UBE2E2: variants seen among roughly 807,000 people sequenced by gnomAD.
The protein encoded by UBE2E2 is ubiquitin-conjugating enzyme E2 E2.
Under a neutral mutation model 24.7 loss-of-function variants are expected in UBE2E2, and 6 were observed. That is an observed-to-expected ratio of 0.24 (90% CI 0.13 to 0.48). The LOEUF is 0.48. UBE2E2 is among the 20% of genes least tolerant of loss of function. The pLI, the probability that UBE2E2 is intolerant of heterozygous loss-of-function variation, is 0.99. For missense variants in UBE2E2, 169 were observed against 245.0 expected (o/e 0.69, Z 2.07); for synonymous variants, 104 against 83.6 (o/e 1.24, Z -1.33).
intron 5 of UBE2E2, among the ~76,000 whole-genome samples, chr3:23,587,087 G>C (rs1229873361): frequency 6.6e-6 from 1 of 152,010 alleles, no homozygotes; most frequent in East Asian, 1.9e-4. Flanking sequence ...TAGTTAGTGT[G>C]TATAATTTTA....
chr3:23,296,532 C>T (rs369678783), intron 3 of UBE2E2, among the ~76,000 whole-genome samples: 2 of 152,122 alleles, frequency 1.3e-5, no homozygotes, highest in Non-Finnish European at 2.9e-5. Context: ...TTGTTCAATT[C>T]CCACCTATAA....
intron 3 of UBE2E2, among the ~76,000 whole-genome samples, chr3:23,245,189 T>C (rs1697364037): frequency 6.6e-6 from 1 of 151,982 alleles, no homozygotes; most frequent in South Asian, 2.1e-4. Context: ...AATGGGAGGG[T>C]CATAGGAAAA....
At chr3:23,319,955 C>A (rs577339558) in intron 3 of UBE2E2, among the ~76,000 whole-genome samples, 1 of 152,158 alleles carries the variant, frequency 6.6e-6, no homozygotes, top group Admixed American at 6.6e-5. Flanking sequence ...TCCCTAAGAT[C>A]TGGCTAGCAT....
chr3:23,488,856 T>C (rs1052567847), intron 3 of UBE2E2, among the ~76,000 whole-genome samples: 9 of 152,216 alleles, frequency 5.9e-5, no homozygotes, highest in Non-Finnish European at 8.8e-5. Flanking sequence ...CCAAGTGTTC[T>C]TACAGTACAG....
At chr3:23,355,802 A>G (rs1298743799) in intron 3 of UBE2E2, among the ~76,000 whole-genome samples, 2 of 152,232 alleles carry the variant, frequency 1.3e-5, no homozygotes, top group Non-Finnish European at 2.9e-5. Flanking sequence ...TTAAAGGAGA[A>G]GAACTATGCT....
At chr3:23,409,223 A>T (rs1697441940) in intron 3 of UBE2E2, among the ~76,000 whole-genome samples, 1 of 152,190 alleles carries the variant, frequency 6.6e-6, no homozygotes, top group Non-Finnish European at 1.5e-5. Flanking sequence ...AAAATTCAAC[A>T]CAACATCACT....
chr3:23,306,137 T>C (rs1401592605), intron 3 of UBE2E2, among the ~76,000 whole-genome samples: 3 of 152,212 alleles, frequency 2.0e-5, no homozygotes, highest in Non-Finnish European at 4.4e-5. Flanking sequence ...CACTGAAATA[T>C]TTAAAAGAAA....
intron 5 of UBE2E2, among the ~76,000 whole-genome samples, chr3:23,558,666 G>A (rs976647690): frequency 4.3e-4 from 66 of 152,114 alleles, no homozygotes; most frequent in African/African-American, 1.4e-3. Flanking sequence ...TTTGAATATG[G>A]CATTGTTTCC....
At chr3:23,402,015 C>G (rs990231387) in intron 3 of UBE2E2, among the ~76,000 whole-genome samples, 1 of 151,946 alleles carries the variant, frequency 6.6e-6, no homozygotes, top group African/African-American at 2.4e-5. Context: ...CACTACCACG[C>G]CCGGCTAATT....
chr3:23,365,325 CTA>C (rs1696224986), intron 3 of UBE2E2, among the ~76,000 whole-genome samples: 1 of 152,174 alleles, frequency 6.6e-6, no homozygotes, highest in Non-Finnish European at 1.5e-5. Flanking sequence ...GGAAGTCAAA[CTA>C]TTTCTGTTTG....
At chr3:23,287,540 C>T (rs1343373079) in intron 3 of UBE2E2, among the ~76,000 whole-genome samples, 2 of 151,940 alleles carry the variant, frequency 1.3e-5, no homozygotes, top group African/African-American at 4.8e-5. Context: ...GCCTTGAAGC[C>T]ATCAGGTTCT....
chr3:23,236,100 A>T (rs1338987290), intron 3 of UBE2E2, among the ~76,000 whole-genome samples: 1 of 152,116 alleles, frequency 6.6e-6, no homozygotes, highest in Non-Finnish European at 1.5e-5. Context: ...AGTCCTAAGG[A>T]GTTTGCCATC....
intron 5 of UBE2E2, among the ~76,000 whole-genome samples, chr3:23,571,415 G>A (rs984149170): frequency 6.0e-5 from 9 of 149,490 alleles, no homozygotes; most frequent in African/African-American, 2.2e-4. Context: ...TCAGCCTCCC[G>A]AGTAGCCGGG....
chr3:23,502,051 A>C (rs1205235600), intron 4 of UBE2E2, among the ~76,000 whole-genome samples: 1 of 152,200 alleles, frequency 6.6e-6, no homozygotes, highest in Non-Finnish European at 1.5e-5. Flanking sequence ...TAGATGTGTT[A>C]CTCGAGGGAG....
intron 3 of UBE2E2, among the ~76,000 whole-genome samples, chr3:23,295,414 A>T (rs897123980): frequency 3.3e-5 from 5 of 152,176 alleles, no homozygotes; most frequent in Admixed American, 2.0e-4. Context: ...TCCTCTAAAG[A>T]GGGCTGCAAG....
chr3:23,574,006 G>A (rs1047152453), intron 5 of UBE2E2, among the ~76,000 whole-genome samples: 3 of 151,994 alleles, frequency 2.0e-5, no homozygotes, highest in South Asian at 2.1e-4. Flanking sequence ...AAAAAAAAAT[G>A]TGGTACATAT....
intron 3 of UBE2E2, among the ~76,000 whole-genome samples, chr3:23,219,085 GGA>G (rs1696556771): frequency 2.0e-5 from 3 of 152,298 alleles, no homozygotes; most frequent in South Asian, 2.1e-4. Flanking sequence ...GAATTTGTAA[GGA>G]AATTCTCACT....
At chr3:23,283,973 A>G (rs1188683439) in intron 3 of UBE2E2, among the ~76,000 whole-genome samples, 2 of 152,188 alleles carry the variant, frequency 1.3e-5, no homozygotes, top group Admixed American at 6.5e-5. Flanking sequence ...AAGAATATGG[A>G]TAAGAGGGCC....
At chr3:23,457,128 G>A (rs1309112930) in intron 3 of UBE2E2, among the ~76,000 whole-genome samples, 1 of 152,170 alleles carries the variant, frequency 6.6e-6, no homozygotes, top group Non-Finnish European at 1.5e-5. Context: ...TGTTGAGGTG[G>A]AGTAAAGGCA....
Sources: gnomAD v4.1 joint callset for allele counts (sites outside exome capture counted in the v4.1 genomes callset) on GRCh38, gnomAD v4.1.1 for gene constraint, MANE v1.5 for transcripts, NCBI Gene and HGNC (gene_info 2026-07-23, HGNC 2026-07-21) for gene names.